Variants in ZNF536 observed in about 807,000 individuals in gnomAD.
The protein encoded by ZNF536 is zinc finger protein 536.
In ZNF536, 13 loss-of-function variants were observed where a neutral mutation model predicts 84.5. The observed-to-expected ratio is 0.15, with a 90% CI of 0.10 to 0.24. ZNF536 has a LOEUF of 0.24. Among genes scored for constraint, ZNF536 ranks in the 10% least tolerant of loss-of-function variants. The pLI is 1.00. For missense variants in ZNF536, 1,536 were observed against 1,747.5 expected, an observed-to-expected ratio of 0.88 and a Z score of 2.16; for synonymous variants, 811 against 742.5, an observed-to-expected ratio of 1.09 and a Z score of -1.50.
intron 1 of ZNF536, among the ~76,000 whole-genome samples, chr19:30,699,243 A>G (rs2147973246): frequency 6.6e-6 from 1 of 152,302 alleles, no homozygotes; most frequent in East Asian, 1.9e-4. Context: ...GTGGTATTAG[A>G]AACCAATGTC....
At chr19:30,689,525 G>A (rs377287224) in intron 1 of ZNF536, among the ~76,000 whole-genome samples, 1 of 152,208 alleles carries the variant, frequency 6.6e-6, no homozygotes, top group Non-Finnish European at 1.5e-5. Flanking sequence ...ATTTGGGTAA[G>A]ATTTCTGATG....
intron 2 of ZNF536, among the ~76,000 whole-genome samples, chr19:30,320,623 A>G (rs1056496592): frequency 2.6e-5 from 4 of 152,184 alleles, no homozygotes; most frequent in Non-Finnish European, 4.4e-5. Context: ...AGCCCCCGTC[A>G]GAGAGCCCTC....
At chr19:30,280,725 C>G (rs1335718436) in intron 1 of ZNF536, among the ~76,000 whole-genome samples, 3 of 152,242 alleles carry the variant, frequency 2.0e-5, no homozygotes, top group Non-Finnish European at 2.9e-5. Flanking sequence ...GCCAATCACT[C>G]TCTCCCTCAG....
chr19:30,468,775 C>A (rs1697417478), intron 2 of ZNF536, among the ~76,000 whole-genome samples: 1 of 151,974 alleles, frequency 6.6e-6, no homozygotes, highest in Non-Finnish European at 1.5e-5. Context: ...GCACCGATGC[C>A]CATCGACACC....
intron 1 of ZNF536, among the ~76,000 whole-genome samples, chr19:30,588,974 G>A (rs2047187730): frequency 6.6e-6 from 1 of 152,220 alleles, no homozygotes; most frequent in African/African-American, 2.4e-5. Context: ...GGGATGTGAG[G>A]TGTGGCCAAA....
Position 30,325,828 on chromosome 19 carries a change from G to A in ZNF536, c.-119-26540G>A, listed in dbSNP as rs7257581. On this transcript the variant is annotated intron_variant, in intron 2 of 5. Coordinates refer to the ZNF536 transcript ENST00000585628. ...CACTGTTGGAGCAAGCTGCACCTTGGTCACAGGCACTGGGCTGCCCGGCTG... is the reference window on the plus strand; with the variant it reads ...CACTGTTGGAGCAAGCTGCACCTTGATCACAGGCACTGGGCTGCCCGGCTG... Among the ~76,000 whole-genome samples, 362 of 152,264 alleles carry A rather than the reference G, an allele frequency of 2.4e-3. 4 individuals carry two copies. Among genetic ancestry groups the A allele is most frequent in the African/African-American group, 8.0e-3 (331 of 41,548 alleles).
At chr19:30,459,165 TACAAAC>T (rs1406861471) in intron 2 of ZNF536, among the ~76,000 whole-genome samples, 1 of 152,124 alleles carries the variant, frequency 6.6e-6, no homozygotes, top group South Asian at 2.1e-4. Context: ...CGCTATACAA[TACAAAC>T]ACAAACAGGT....
intron 2 of ZNF536, among the ~76,000 whole-genome samples, chr19:30,462,632 G>A (rs1296045559): frequency 6.6e-6 from 1 of 151,904 alleles, no homozygotes; most frequent in Non-Finnish European, 1.5e-5. Flanking sequence ...TTAGGATGTG[G>A]CATTTGGGTG....
intron 2 of ZNF536, among the ~76,000 whole-genome samples, chr19:30,525,070 A>G (rs2044519010): frequency 6.6e-6 from 1 of 152,208 alleles, no homozygotes; most frequent in Non-Finnish European, 1.5e-5. Flanking sequence ...CCAGGAAGGA[A>G]TTGAGTAAAT....
At position 30,504,109 on chromosome 19, in the gene ZNF536, C is replaced by T. The variant is rs554972677; in HGVS notation, c.2171-30738C>T. On this transcript the variant is annotated intron_variant, in intron 2 of 4. Transcript: ENST00000355537. ...AAGGAAAAATATGGCCACTTAGGAG[C>T]TCTTATTTAGTGAGTGTTTACTAAG... 1.5e-3 allele frequency among the ~76,000 whole-genome samples: 231 copies of T among 152,058 alleles called. 1 individual carries two copies. Among genetic ancestry groups the T allele is most frequent in the Non-Finnish European group, 2.9e-3 (198 of 67,968 alleles).
intron 2 of ZNF536, among the ~76,000 whole-genome samples, chr19:30,495,172 C>T (rs2053080): frequency 6.6e-6 from 1 of 151,928 alleles, no homozygotes. Flanking sequence ...ACTTAACTGG[C>T]CTTACCCATT....
At chr19:30,407,193 G>T (rs1364822808) in intron 1 of ZNF536, among the ~76,000 whole-genome samples, 1 of 152,152 alleles carries the variant, frequency 6.6e-6, no homozygotes, top group East Asian at 1.9e-4. Context: ...CTGACCTTAT[G>T]ATCCCCAGAA....
intron 2 of ZNF536, among the ~76,000 whole-genome samples, chr19:30,328,941 C>A (rs897414275): frequency 6.6e-6 from 1 of 152,166 alleles, no homozygotes; most frequent in East Asian, 1.9e-4. Context: ...CCCCCTGCAA[C>A]AATAGAATTT....
intron 1 of ZNF536, among the ~76,000 whole-genome samples, chr19:30,406,637 G>C (rs1048365849): frequency 6.6e-6 from 1 of 152,134 alleles, no homozygotes. Flanking sequence ...GAAACTGTAC[G>C]GCCAGTTTTC....
chr19:30,633,670 C>T (rs1343837385), intron 1 of ZNF536, among the ~76,000 whole-genome samples: 1 of 152,058 alleles, frequency 6.6e-6, no homozygotes. Context: ...ATATAATGTT[C>T]CCCAATTCCA....
At chr19:30,370,298 G>A (rs946542826), upstream of ZNF536, among the ~76,000 whole-genome samples, 7 of 152,140 alleles carry the variant, frequency 4.6e-5, no homozygotes, top group Admixed American at 1.3e-4. Flanking sequence ...GTTGAATGGC[G>A]TCTGTGCTGG....
At chr19:30,703,335 C>G (rs936683096) in intron 1 of ZNF536, among the ~76,000 whole-genome samples, 2 of 152,154 alleles carry the variant, frequency 1.3e-5, no homozygotes, top group Non-Finnish European at 2.9e-5. Flanking sequence ...GTTACGGGAG[C>G]TCCCCATCAC....
intron 2 of ZNF536, among the ~76,000 whole-genome samples, chr19:30,529,843 G>A (rs567801798): frequency 2.0e-5 from 3 of 152,298 alleles, no homozygotes; most frequent in South Asian, 4.1e-4. Flanking sequence ...TTGCAAATAT[G>A]GCCTGTGTCT....
intron 4 of ZNF536, among the ~76,000 whole-genome samples, chr19:30,549,939 A>T (rs1038762190): frequency 2.0e-5 from 3 of 152,250 alleles, no homozygotes; most frequent in African/African-American, 7.2e-5. Flanking sequence ...TGCTAAGCCA[A>T]ATCTGCTTTC....
Sources: allele counts gnomAD v4.1 joint callset (sites outside exome capture counted in the v4.1 genomes callset), GRCh38; gene constraint gnomAD v4.1.1; transcripts MANE v1.5; gene names NCBI Gene and HGNC (gene_info 2026-07-23, HGNC 2026-07-21).